The following TMEM51 variants were observed in gnomAD, a reference collection of about 807,000 sequenced individuals.
TMEM51 encodes the protein chromosome 1 open reading frame 72.
A neutral mutation model predicts 13.6 loss-of-function variants in TMEM51; 8 were observed. That is an observed-to-expected ratio of 0.59 (90% CI 0.35 to 1.07). TMEM51 has a LOEUF of 1.07. Ranked by LOEUF, TMEM51 falls within the 50% of genes least tolerant of loss-of-function variation. The probability of loss-of-function intolerance (pLI) is 0.02; values close to 1 mark genes in which losing one functional copy is unlikely to be tolerated. For synonymous variants in TMEM51, 147 were observed against 144.4 expected, an observed-to-expected ratio of 1.02 and a Z score of -0.13; for missense variants, 279 against 330.7, an observed-to-expected ratio of 0.84 and a Z score of 1.21.
intron 3 of TMEM51, among the ~76,000 whole-genome samples, chr1:15,216,336 G>A (rs1432199109): frequency 6.6e-6 from 1 of 152,128 alleles, no homozygotes; most frequent in Non-Finnish European, 1.5e-5. Context: ...TCTTAGAAAT[G>A]AATATGTAAG....
chr1:15,180,547 G>A (rs1458264153), intron 1 of TMEM51, among the ~76,000 whole-genome samples: 2 of 152,180 alleles, frequency 1.3e-5, no homozygotes, highest in Admixed American at 6.5e-5. Context: ...TAGACACTAT[G>A]CTGATTGTTT....
intron 1 of TMEM51, among the ~76,000 whole-genome samples, chr1:15,162,253 C>T (rs1219713779): frequency 6.6e-6 from 1 of 152,084 alleles, no homozygotes; most frequent in Non-Finnish European, 1.5e-5. Context: ...AACTCTGCCT[C>T]CTGGGTTCAT....
chr1:15,188,496 C>T (rs1332373195), intron 1 of TMEM51, among the ~76,000 whole-genome samples: 1 of 152,218 alleles, frequency 6.6e-6, no homozygotes, highest in Non-Finnish European at 1.5e-5. Flanking sequence ...CAGGGCAGCC[C>T]AGCTCACCCA....
At chr1:15,203,258 T>C (rs939816564) in intron 1 of TMEM51, among the ~76,000 whole-genome samples, 1 of 152,102 alleles carries the variant, frequency 6.6e-6, no homozygotes, top group Non-Finnish European at 1.5e-5. Context: ...CACCGTTTTT[T>C]GTTTTTTGTT....
At chr1:15,212,628 C>G (rs183596400) in intron 2 of TMEM51, among the ~76,000 whole-genome samples, 1 of 152,324 alleles carries the variant, frequency 6.6e-6, no homozygotes, top group African/African-American at 2.4e-5. Flanking sequence ...TTTGGTAGAA[C>G]CGGTGCATTC....
Position 15,219,534 on chromosome 1 carries a change from A to AAC in TMEM51, c.554_555dup (p.Pro186ThrfsTer14). 1 of 1,614,054 alleles carries AAC rather than the reference A, an allele frequency of 6.2e-7. No homozygotes were observed. Among genetic ancestry groups the AAC allele is most frequent in the Non-Finnish European group, 8.5e-7 (1 of 1,180,010 alleles). ...GGCTGACGTGGAGGCCAGCCCTGGG[A>AAC]ACCCCCCTGACAGGCAGAACTCTAA... On this transcript the variant is annotated frameshift_variant, in exon 4 of 4. Coordinates refer to ENST00000376008, the MANE Select transcript of TMEM51 (RefSeq NM_001136218.2). LOFTEE classifies it high-confidence loss of function.
rs1026785547 is a variant in TMEM51, at chr1:15,215,070, C to T, written c.-18C>T. On this transcript the variant is annotated 5_prime_UTR_variant, in exon 3 of 4. Transcript: ENST00000376008. ...TATTTTCTTTCTTGGAACTGGGCCT[C>T]GCCCTCCTCCCACTGACATGATGGC... The T allele has an allele frequency of 1.9e-6, 3 of 1,591,936 alleles. No homozygotes were observed. The highest frequency in any genetic ancestry group is 1.7e-4 in the Middle Eastern group (1 of 5,998).
upstream of TMEM51, chr1:15,152,780 C>G (rs971701094): frequency 6.6e-6 from 1 of 151,974 alleles, no homozygotes. Flanking sequence ...GAGGCAGAGC[C>G]GCGGGTGAGA....
At chr1:15,191,122 C>T (rs556990041) in intron 1 of TMEM51, among the ~76,000 whole-genome samples, 10 of 152,144 alleles carry the variant, frequency 6.6e-5, no homozygotes, top group Non-Finnish European at 1.2e-4. Flanking sequence ...GCAGGCAGGC[C>T]GGAGTCAGAG....
chr1:15,179,311 T>A (rs1643541814), intron 1 of TMEM51, among the ~76,000 whole-genome samples: 1 of 152,052 alleles, frequency 6.6e-6, no homozygotes, highest in Non-Finnish European at 1.5e-5. Context: ...ATGCATTTCC[T>A]CTAGTGGAGG....
At chr1:15,156,853 G>A (rs1642608699) in intron 1 of TMEM51, among the ~76,000 whole-genome samples, 1 of 152,180 alleles carries the variant, frequency 6.6e-6, no homozygotes, top group South Asian at 2.1e-4. Flanking sequence ...CTTTAACCCA[G>A]GAGACCTGGC....
chr1:15,158,977 A>G (rs1251394140), intron 1 of TMEM51, among the ~76,000 whole-genome samples: 1 of 152,174 alleles, frequency 6.6e-6, no homozygotes, highest in Admixed American at 6.5e-5. Flanking sequence ...GTCACTAGGT[A>G]AAAACGTCTC....
intron 1 of TMEM51, among the ~76,000 whole-genome samples, chr1:15,200,347 G>T (rs561411666): frequency 1.4e-5 from 2 of 140,650 alleles, no homozygotes; most frequent in African/African-American, 5.3e-5. Context: ...TATCGAGACT[G>T]CAGTGAACTG....
intron 1 of TMEM51, among the ~76,000 whole-genome samples, chr1:15,197,954 C>CAAAA (rs34377131): frequency 6.2e-5 from 6 of 96,228 alleles, no homozygotes; most frequent in Non-Finnish European, 8.2e-5. Context: ...CTATACATGA[C>CAAAA]AAAAAAAAAA....
At chr1:15,210,782 A>C (rs533927035) in intron 2 of TMEM51, among the ~76,000 whole-genome samples, 1 of 152,244 alleles carries the variant, frequency 6.6e-6, no homozygotes, top group African/African-American at 2.4e-5. Context: ...CTAAGCATAA[A>C]ATTAGCTTCT....
intron 3 of TMEM51, among the ~76,000 whole-genome samples, chr1:15,218,137 G>A (rs1281071450): frequency 6.6e-6 from 1 of 152,228 alleles, no homozygotes; most frequent in Non-Finnish European, 1.5e-5. Flanking sequence ...TGACAAATGT[G>A]TAGAAAATAT....
At chr1:15,155,731 C>T (rs886943916) in intron 1 of TMEM51, among the ~76,000 whole-genome samples, 6 of 152,076 alleles carry the variant, frequency 3.9e-5, no homozygotes, top group South Asian at 2.1e-4. Context: ...ATGGAAGGTC[C>T]GGAGTGAGCT....
rs1026898110 is a variant in TMEM51, at chr1:15,215,343, A to G, written c.256A>G (p.Arg86Gly). The stretch of plus-strand genomic sequence containing the variant: ...GCTGCTTTCTATCTGCCTGAGTATC[A>G]GGGATAAGAGGAAGCAGCGGCAGGG... ...LLLLSICLSIRDKRKQRQGED... is the reference protein window; with the variant it reads ...LLLLSICLSIGDKRKQRQGED... Residue 86 changes from arginine (R) to glycine (G), a missense_variant, in exon 3 of 4, where the codon AGG (arginine) becomes GGG (glycine). Physicochemically the swap from Arg to Gly is moderately radical, Grantham distance 125 (BLOSUM62 -2). Coordinates refer to ENST00000376008, the MANE Select transcript of TMEM51 (RefSeq NM_001136218.2). The G allele has an allele frequency of 1.9e-6, 3 of 1,613,804 alleles. No homozygotes were observed. Among genetic ancestry groups the G allele is most frequent in the Non-Finnish European group, 2.5e-6 (3 of 1,180,038 alleles).
At chr1:15,202,750 A>G (rs1439936968) in intron 1 of TMEM51, among the ~76,000 whole-genome samples, 1 of 152,192 alleles carries the variant, frequency 6.6e-6, no homozygotes, top group Non-Finnish European at 1.5e-5. Context: ...CCAAAAAGGC[A>G]CTTTTTCCAT....
Sources: gnomAD v4.1 joint callset for allele counts (sites outside exome capture counted in the v4.1 genomes callset) on GRCh38, gnomAD v4.1.1 for gene constraint, MANE v1.5 for transcripts, NCBI Gene and HGNC (gene_info 2026-07-23, HGNC 2026-07-21) for gene names.